The following SESN1 variants were observed in gnomAD, a reference collection of about 807,000 sequenced individuals.
The protein encoded by SESN1 is sestrin 1.
In SESN1, 30 loss-of-function variants were observed where a neutral mutation model predicts 59.3. The ratio of observed to expected loss-of-function variants is 0.51; its 90% confidence interval spans 0.38 to 0.69. The LOEUF is 0.69. Ranked by LOEUF, SESN1 falls within the 30% of genes least tolerant of loss-of-function variation. SESN1 has a pLI of 0.00. For missense variants in SESN1, 566 were observed against 673.0 expected, an observed-to-expected ratio of 0.84 and a Z score of 1.76; for synonymous variants, 197 against 219.9, an observed-to-expected ratio of 0.90 and a Z score of 0.92.
At chr6:109,049,290 C>A (rs563748564) in intron 1 of SESN1, among the ~76,000 whole-genome samples, 2 of 151,602 alleles carry the variant, frequency 1.3e-5, no homozygotes, top group East Asian at 3.9e-4. Flanking sequence ...AGTTAAACAT[C>A]GTATGTTCTC....
At chr6:109,049,290 C>T (rs563748564) in intron 1 of SESN1, among the ~76,000 whole-genome samples, 4 of 151,486 alleles carry the variant, frequency 2.6e-5, no homozygotes, top group Non-Finnish European at 5.9e-5. Flanking sequence ...AGTTAAACAT[C>T]GTATGTTCTC....
chr6:109,085,514 G>A (rs964410014), intron 1 of SESN1, among the ~76,000 whole-genome samples: 4 of 116,646 alleles, frequency 3.4e-5, no homozygotes, highest in Admixed American at 7.7e-5. Context: ...GTGACACTCC[G>A]TCACACACAC....
intron 1 of SESN1, among the ~76,000 whole-genome samples, chr6:109,012,958 A>C (rs1469550750): frequency 4.0e-5 from 6 of 149,418 alleles, no homozygotes; most frequent in African/African-American, 1.5e-4. Context: ...TACTGAAAAT[A>C]CAAAAAAATT....
chr6:109,085,013 G>A (rs1390766532), intron 1 of SESN1, among the ~76,000 whole-genome samples: 1 of 149,686 alleles, frequency 6.7e-6, no homozygotes. Context: ...TATCTCCAGC[G>A]AAAAACGCAC....
chr6:108,997,132 CAA>C (rs111413983), intron 5 of SESN1, among the ~76,000 whole-genome samples: 14,960 of 152,146 alleles, frequency 0.098, 897 homozygotes, highest in Middle Eastern at 0.19. Flanking sequence ...AGCTCACTGT[CAA>C]AGTGTCATCA....
rs1780224872 is a variant in SESN1 at position 109,034,487 on chromosome 6, A to G, written c.280-32144T>C. ...TTCATTATTGATATATTTTCAAGAA[A>G]ATTTACTGATCAGCATCGTAGAAAT... On this transcript the variant is annotated intron_variant, in intron 1 of 9. Coordinates refer to ENST00000436639, the MANE Select transcript of SESN1 (RefSeq NM_014454.3). Among the ~76,000 whole-genome samples the G allele has an allele frequency of 3.3e-5, 5 of 152,314 alleles. No homozygotes were observed. In the South Asian group the frequency reaches 1.0e-3, roughly 32 times the overall value.
intron 1 of SESN1, among the ~76,000 whole-genome samples, chr6:109,078,274 T>G (rs1207972723): frequency 1.3e-5 from 2 of 152,056 alleles, no homozygotes; most frequent in African/African-American, 4.8e-5. Context: ...CCCAGCTACT[T>G]AAGAGGCTGA....
chr6:108,991,931 T>G (rs535816854), intron 7 of SESN1, among the ~76,000 whole-genome samples: 10 of 152,294 alleles, frequency 6.6e-5, no homozygotes, highest in African/African-American at 1.9e-4. Flanking sequence ...CAACCTAAGC[T>G]TAATTATTGT....
intron 1 of SESN1, among the ~76,000 whole-genome samples, chr6:109,060,912 C>T (rs1267221348): frequency 6.6e-6 from 1 of 152,172 alleles, no homozygotes; most frequent in Non-Finnish European, 1.5e-5. Flanking sequence ...AAAGTATCCA[C>T]TGCTCTTTCT....
chr6:109,044,913 C>T (rs1780400171), intron 1 of SESN1, among the ~76,000 whole-genome samples: 1 of 152,030 alleles, frequency 6.6e-6, no homozygotes, highest in Non-Finnish European at 1.5e-5. Flanking sequence ...ATCTCAGCTA[C>T]TTGGGCAGCT....
chr6:109,082,007 G>A (rs1246838402), intron 1 of SESN1, among the ~76,000 whole-genome samples: 1 of 152,158 alleles, frequency 6.6e-6, no homozygotes, highest in African/African-American at 2.4e-5. Context: ...AGAGTATTCG[G>A]TTGCTTACTG....
intron 1 of SESN1, among the ~76,000 whole-genome samples, chr6:109,068,632 A>G (rs1402963420): frequency 6.6e-6 from 1 of 152,130 alleles, no homozygotes; most frequent in Non-Finnish European, 1.5e-5. Context: ...AGGATAGAAG[A>G]GTAATTTGAG....
Position 108,988,486 on chromosome 6 carries a change from A to C in SESN1, c.1569+57T>G, listed in dbSNP as rs1779262661. The C allele has an allele frequency of 2.0e-6, 3 of 1,475,464 alleles. No homozygotes were observed. The East Asian group carries it at 7.0e-5, about 34-fold the overall frequency. 91.4% of individuals were successfully genotyped at this position (1,475,464 alleles called of 1,614,324 possible). On this transcript the variant is annotated intron_variant, in intron 9 of 9. Transcript: ENST00000436639. ...GTTTCAGCACCATTAGGTTAGGTGA[A>C]GGAGACTACGAATCATTGCTAAGTT...
Position 109,052,897 on chromosome 6 carries a change from C to T in SESN1, c.279+40898G>A, listed in dbSNP as rs1780565099. Among the ~76,000 whole-genome samples, 4 of 152,180 alleles carry T rather than the reference C, an allele frequency of 2.6e-5. 1 individual carries two copies. The South Asian group carries it at 8.3e-4, about 31-fold the overall frequency. On this transcript the variant is annotated intron_variant, in intron 1 of 9. Transcript: ENST00000436639. ...GAATAGGATGAGCAAAACTACACAG[C>T]TGCTACCCCGTAGAGCTTATAATCT...
intron 1 of SESN1, among the ~76,000 whole-genome samples, chr6:109,009,731 G>C (rs1022211769): frequency 5.9e-5 from 9 of 152,098 alleles, no homozygotes; most frequent in African/African-American, 2.2e-4. Context: ...AATCACCTTG[G>C]GGGCCCAGGT....
chr6:109,037,841 A>ATACC (rs1402755949), intron 1 of SESN1, among the ~76,000 whole-genome samples: 19 of 152,286 alleles, frequency 1.2e-4, no homozygotes, highest in African/African-American at 4.3e-4. Context: ...AGAGATAAAA[A>ATACC]TAGTAAAATG....
In SESN1 at chr6:108,994,568, C is replaced by CT. The variant is rs769701827; in HGVS notation, c.1013dup (p.Met339AspfsTer10). 1.2e-6 allele frequency: 2 copies of CT among 1,613,492 alleles called. No individual in the cohort carries two copies. The highest frequency in any genetic ancestry group is 2.2e-5 in the South Asian group (2 of 91,042). On this transcript the variant is annotated frameshift_variant, in exon 6 of 10. Transcript: ENST00000436639. LOFTEE classifies it high-confidence loss of function. ...CTCGACATTCCTGTAACTGCCTCAT[C>CT]TTTTCCATGAGGGCTTCAACCTCAA...
chr6:109,003,251 T>G (rs1024962700), intron 1 of SESN1, among the ~76,000 whole-genome samples: 2 of 151,466 alleles, frequency 1.3e-5, no homozygotes, highest in Admixed American at 1.3e-4. Context: ...GATTAACCCC[T>G]TCACTCATAT....
intron 1 of SESN1, among the ~76,000 whole-genome samples, chr6:109,066,362 G>A (rs1206694925): frequency 6.6e-6 from 1 of 150,894 alleles, no homozygotes; most frequent in African/African-American, 2.4e-5. Flanking sequence ...TTTTACTGGA[G>A]CAGTAGGGGA....
Sources: allele counts gnomAD v4.1 joint callset (sites outside exome capture counted in the v4.1 genomes callset), GRCh38; gene constraint gnomAD v4.1.1; transcripts MANE v1.5; gene names NCBI Gene and HGNC (gene_info 2026-07-23, HGNC 2026-07-21).